The following ADAMTS20 variants were observed in gnomAD, a reference collection of about 807,000 sequenced individuals.
ADAMTS20 encodes ADAM metallopeptidase with thrombospondin type 1 motif 20.
In ADAMTS20, 225 loss-of-function variants were observed where a neutral mutation model predicts 260.1. The ratio of observed to expected loss-of-function variants is 0.87; its 90% CI spans 0.78 to 0.97. The LOEUF (loss-of-function observed/expected upper bound fraction) is 0.97. Ranked by LOEUF, ADAMTS20 falls within the 50% of genes least tolerant of loss-of-function variation. The probability of loss-of-function intolerance (pLI) is 0.00; values close to 1 mark genes in which losing one functional copy is unlikely to be tolerated. For synonymous variants in ADAMTS20, 802 were observed against 769.5 expected (o/e 1.04, Z -0.70); for missense variants, 2,400 against 2,337.7 (o/e 1.03, Z -0.55).
chr12:43,550,816 T>C, intron 2 of ADAMTS20, 93 bp downstream of exon 2: 1 of 1,436,752 alleles, frequency 7.0e-7, no homozygotes, highest in Non-Finnish European at 9.2e-7. Context: ...TCCAGGGTCA[T>C]CAGCCACCAA....
At position 43,443,776 on chromosome 12, in the gene ADAMTS20, A is replaced by C. The variant is rs751111082; in HGVS notation, c.2290+15T>G. 3 of 1,604,972 alleles carry C rather than the reference A, an allele frequency of 1.9e-6. No individual in the cohort carries two copies. The East Asian group carries it at 6.7e-5, about 36-fold the overall frequency. On this transcript the variant is annotated intron_variant, in intron 16 of 38. Coordinates refer to ENST00000389420, the MANE Select transcript of ADAMTS20 (RefSeq NM_025003.5). ...ATAAGCCACATACTGGCTGTTGTTTACGAGAAATGTTTACCAAGGTAACTG... is the reference window on the plus strand; with the variant it reads ...ATAAGCCACATACTGGCTGTTGTTTCCGAGAAATGTTTACCAAGGTAACTG...
At chr12:43,442,577 G>T (rs1941687988) in intron 16 of ADAMTS20, among the ~76,000 whole-genome samples, 1 of 152,026 alleles carries the variant, frequency 6.6e-6, no homozygotes, top group Admixed American at 6.6e-5. Flanking sequence ...AATTTTTAAA[G>T]TTGAGAATAA....
chr12:43,503,683 C>A (rs1384452895), intron 3 of ADAMTS20, among the ~76,000 whole-genome samples: 2 of 151,764 alleles, frequency 1.3e-5, no homozygotes, highest in Non-Finnish European at 2.9e-5. Context: ...AGTATGTTAC[C>A]CCATATTTGT....
At chr12:43,501,503 A>ACACACACACACACACACACACG (rs1565574033) in intron 4 of ADAMTS20, among the ~76,000 whole-genome samples, 2 of 96,872 alleles carry the variant, frequency 2.1e-5, no homozygotes, top group African/African-American at 9.3e-5. Flanking sequence ...ACACACACAC[A>ACACACACACACACACACACACG]TGTAAGGATG....
intron 7 of ADAMTS20, among the ~76,000 whole-genome samples, chr12:43,473,937 C>A (rs1942306523): frequency 9.8e-6 from 1 of 101,894 alleles, no homozygotes. Context: ...ACTAGAAAAG[C>A]AAGAGCAAAC....
chr12:43,395,724 A>G (rs943295475), intron 29 of ADAMTS20, among the ~76,000 whole-genome samples: 8 of 125,910 alleles, frequency 6.4e-5, no homozygotes, highest in Admixed American at 9.6e-5. Flanking sequence ...TGGATTTACT[A>G]TATGAGACTG....
intron 29 of ADAMTS20, among the ~76,000 whole-genome samples, chr12:43,395,687 T>A (rs1940686746): frequency 1.3e-5 from 2 of 148,200 alleles, no homozygotes; most frequent in Admixed American, 1.3e-4. Context: ...CTTTTTTTTT[T>A]TTTTTTTTTT....
At chr12:43,528,103 A>G (rs556940100) in intron 3 of ADAMTS20, among the ~76,000 whole-genome samples, 1 of 152,158 alleles carries the variant, frequency 6.6e-6, no homozygotes, top group African/African-American at 2.4e-5. Context: ...TGCAAAAAAT[A>G]AAATAAAATA....
intron 37 of ADAMTS20, among the ~76,000 whole-genome samples, chr12:43,367,339 A>T (rs984628425): frequency 1.3e-5 from 2 of 152,196 alleles, no homozygotes; most frequent in African/African-American, 4.8e-5. Context: ...AAATAATTAC[A>T]TCCCATGACT....
At chr12:43,429,960 A>C (rs1941408937) in intron 23 of ADAMTS20, among the ~76,000 whole-genome samples, 1 of 152,172 alleles carries the variant, frequency 6.6e-6, no homozygotes, top group Non-Finnish European at 1.5e-5. Context: ...AAAGGAAAAG[A>C]GCTTCAGTCC....
At chr12:43,375,100 A>T (rs1250129812) in intron 36 of ADAMTS20, among the ~76,000 whole-genome samples, 1 of 147,466 alleles carries the variant, frequency 6.8e-6, no homozygotes, top group Admixed American at 7.0e-5. Flanking sequence ...TGAACCCAGG[A>T]AGTGGAGGTT....
chr12:43,530,562 C>G (rs1356984328), intron 3 of ADAMTS20, among the ~76,000 whole-genome samples: 1 of 152,142 alleles, frequency 6.6e-6, no homozygotes. Context: ...ATCATTATAT[C>G]TCAAAACAGA....
chr12:43,441,316 T>C (rs1426339900), intron 16 of ADAMTS20, among the ~76,000 whole-genome samples: 1 of 151,690 alleles, frequency 6.6e-6, no homozygotes, highest in East Asian at 1.9e-4. Context: ...TGTGTGTATA[T>C]TTATTTATAT....
chr12:43,497,998 T>C (rs114778079), intron 4 of ADAMTS20, among the ~76,000 whole-genome samples: 6 of 152,290 alleles, frequency 3.9e-5, no homozygotes, highest in African/African-American at 1.4e-4. Flanking sequence ...CTAGTTTACA[T>C]ACATTTTTAG....
chr12:43,391,537 T>C (rs574089683), intron 29 of ADAMTS20, among the ~76,000 whole-genome samples: 1 of 152,322 alleles, frequency 6.6e-6, no homozygotes, highest in East Asian at 1.9e-4. Flanking sequence ...ATGCCAACGT[T>C]AAAAAAGTGT....
At chr12:43,544,030 A>G (rs1943411030) in intron 2 of ADAMTS20, among the ~76,000 whole-genome samples, 1 of 152,204 alleles carries the variant, frequency 6.6e-6, no homozygotes, top group African/African-American at 2.4e-5. Flanking sequence ...TGACTGATAA[A>G]TATTTGCTGA....
Position 43,376,554 on chromosome 12 carries a change from C to T in ADAMTS20, c.5095G>A (p.Gly1699Ser). 1 of 1,613,190 alleles carries T rather than the reference C, an allele frequency of 6.2e-7. No homozygotes were observed. Among genetic ancestry groups the T allele is most frequent in the Non-Finnish European group, 8.5e-7 (1 of 1,179,690 alleles). ...SDLCLNHLKP[G>S]AQKKCYANDC... is the part of the protein sequence containing the mutation. ...TTGGCATAACATTTCTTTTGAGCACCTGGTTTTAAATGGTTTAAACATAAG... is the reference window on the plus strand; with the variant it reads ...TTGGCATAACATTTCTTTTGAGCACTTGGTTTTAAATGGTTTAAACATAAG... Residue 1699 changes from glycine (G) to serine (S), a missense_variant, in exon 33 of 39, where the codon GGT (glycine) becomes AGT (serine). By Grantham distance (56) the Gly-to-Ser change is moderately conservative. Transcript: ENST00000389420.
At chr12:43,466,451 G>A (rs974843150) in intron 9 of ADAMTS20, among the ~76,000 whole-genome samples, 1 of 151,594 alleles carries the variant, frequency 6.6e-6, no homozygotes, top group Non-Finnish European at 1.5e-5. Context: ...ATTTTAAAGA[G>A]TGAAATTATA....
chr12:43,403,185 G>T (rs1940846443), intron 28 of ADAMTS20, among the ~76,000 whole-genome samples: 1 of 152,052 alleles, frequency 6.6e-6, no homozygotes, highest in African/African-American at 2.4e-5. Context: ...GAGAAAAGCT[G>T]TACATAATTA....
Sources: gnomAD v4.1 joint callset for allele counts (sites outside exome capture counted in the v4.1 genomes callset) on GRCh38, gnomAD v4.1.1 for gene constraint, MANE v1.5 for transcripts, NCBI Gene and HGNC (gene_info 2026-07-23, HGNC 2026-07-21) for gene names.